Variants in ELAVL4 observed in about 807,000 individuals in gnomAD.
ELAVL4 encodes ELAV-like protein 4.
ELAVL4 carries 1 observed loss-of-function variant against 35.6 expected under a neutral mutation model. The observed-to-expected ratio is 0.03, with a 90% CI of 0.01 to 0.13. The LOEUF is 0.13. Ranked by LOEUF, ELAVL4 falls within the 10% of genes least tolerant of loss-of-function variation. The pLI, the probability that ELAVL4 is intolerant of heterozygous loss-of-function variation, is 1.00. For missense variants in ELAVL4, 267 were observed against 464.9 expected, an observed-to-expected ratio of 0.57 and a Z score of 3.91; for synonymous variants, 156 against 171.0, an observed-to-expected ratio of 0.91 and a Z score of 0.69.
At position 50,132,996 on chromosome 1, in the gene ELAVL4, T is replaced by G. The variant is rs774184146; in HGVS notation, c.10-11961T>G. On this transcript the variant is annotated intron_variant, in intron 1 of 6. Transcript: ENST00000371824. ...TTCACTTCTTTTTCTACATTGATCA[T>G]ATACATTTTCTCACATTATAAAAAC... Among the ~76,000 whole-genome samples the G allele has an allele frequency of 4.5e-4, 69 of 152,202 alleles. 1 individual carries two copies. The highest frequency in any genetic ancestry group is 7.9e-4 in the Admixed American group (12 of 15,276).
chr1:50,158,405 CTGTT>C (rs1200959722), intron 2 of ELAVL4, among the ~76,000 whole-genome samples: 1 of 151,578 alleles, frequency 6.6e-6, no homozygotes, highest in Non-Finnish European at 1.5e-5. Context: ...TGTAGATACT[CTGTT>C]TGTGTGTGTG....
chr1:50,057,879 A>G (rs1431154541), intron 1 of ELAVL4, among the ~76,000 whole-genome samples: 1 of 152,246 alleles, frequency 6.6e-6, no homozygotes, highest in Non-Finnish European at 1.5e-5. Context: ...AACAGAGCTC[A>G]AGAAACTTTT....
chr1:50,093,125 A>G (rs368969451), intron 1 of ELAVL4, among the ~76,000 whole-genome samples: 1 of 152,206 alleles, frequency 6.6e-6, no homozygotes, highest in South Asian at 2.1e-4. Context: ...ATCATCAAGG[A>G]TAAGTGGGGA....
intron 1 of ELAVL4, among the ~76,000 whole-genome samples, chr1:50,128,456 T>C (rs552916389): frequency 6.6e-6 from 1 of 152,282 alleles, no homozygotes; most frequent in East Asian, 1.9e-4. Flanking sequence ...TATTCATTTA[T>C]TCTACCAGCA....
chr1:50,133,685 G>T (rs1671409141), intron 1 of ELAVL4, among the ~76,000 whole-genome samples: 1 of 150,594 alleles, frequency 6.6e-6, no homozygotes, highest in Non-Finnish European at 1.5e-5. Flanking sequence ...AGCAGTGAAG[G>T]GAGAAATTAA....
intron 1 of ELAVL4, among the ~76,000 whole-genome samples, chr1:50,078,586 G>A (rs1664868932): frequency 6.6e-6 from 1 of 152,142 alleles, no homozygotes; most frequent in African/African-American, 2.4e-5. Context: ...TCCAAAGCCA[G>A]TAGGGCTATT....
At chr1:50,082,019 T>A (rs1438065915) in intron 1 of ELAVL4, among the ~76,000 whole-genome samples, 1 of 152,226 alleles carries the variant, frequency 6.6e-6, no homozygotes, top group Non-Finnish European at 1.5e-5. Flanking sequence ...TCGTCCATTT[T>A]TATGACTGCA....
intron 1 of ELAVL4, among the ~76,000 whole-genome samples, chr1:50,087,130 A>T (rs1183860471): frequency 1.3e-5 from 2 of 152,226 alleles, no homozygotes; most frequent in Non-Finnish European, 2.9e-5. Context: ...TTTCCATGTG[A>T]AAACCCCCTT....
At chr1:50,059,203 A>G (rs919920255) in intron 1 of ELAVL4, among the ~76,000 whole-genome samples, 1 of 152,198 alleles carries the variant, frequency 6.6e-6, no homozygotes, top group African/African-American at 2.4e-5. Flanking sequence ...TGATTCTAAG[A>G]TAAGATTTCT....
At chr1:50,162,441 A>G (rs551510170) in intron 2 of ELAVL4, among the ~76,000 whole-genome samples, 14 of 152,340 alleles carry the variant, frequency 9.2e-5, no homozygotes, top group African/African-American at 2.9e-4. Context: ...TAGGCCAGGC[A>G]CTTTGCTTGT....
chr1:50,058,439 T>G (rs1380884107), intron 1 of ELAVL4, among the ~76,000 whole-genome samples: 1 of 152,160 alleles, frequency 6.6e-6, no homozygotes, highest in Non-Finnish European at 1.5e-5. Flanking sequence ...ATTCTTACCT[T>G]ATGTTTCTAT....
chr1:50,104,043 C>T, upstream of ELAVL4: 1 of 1,607,238 alleles, frequency 6.2e-7, no homozygotes, highest in Non-Finnish European at 8.5e-7. Flanking sequence ...AGATGGTAGA[C>T]CGTCAATGGG....
chr1:50,140,115 CTG>C (rs1672576319), intron 1 of ELAVL4, among the ~76,000 whole-genome samples: 1 of 152,150 alleles, frequency 6.6e-6, no homozygotes, highest in Admixed American at 6.5e-5. Context: ...TGGATGCTGA[CTG>C]TAATTCTGTT....
chr1:50,163,242 C>T (rs1448720487), intron 2 of ELAVL4, among the ~76,000 whole-genome samples: 1 of 152,204 alleles, frequency 6.6e-6, no homozygotes, highest in Non-Finnish European at 1.5e-5. Context: ...AAAGCCCTCT[C>T]TCATCTCACT....
At chr1:50,103,841 A>T (rs897739750), upstream of ELAVL4, 5 of 1,493,180 alleles carry the variant, frequency 3.3e-6, no homozygotes, top group Admixed American at 2.0e-5. Flanking sequence ...GAGGTAATCC[A>T]GACAGCCGGA....
chr1:50,073,432 A>AT (rs201813229), intron 1 of ELAVL4, among the ~76,000 whole-genome samples: 144 of 150,372 alleles, frequency 9.6e-4, no homozygotes, highest in South Asian at 8.4e-4. Context: ...TGCTTCATTG[A>AT]TTTTTTTTTT....
At chr1:50,164,741 A>G (rs1572479352) in intron 2 of ELAVL4, among the ~76,000 whole-genome samples, 1 of 152,138 alleles carries the variant, frequency 6.6e-6, no homozygotes, top group Non-Finnish European at 1.5e-5. Context: ...CCAACTTCCT[A>G]TGGACATGGG....
intron 4 of ELAVL4, among the ~76,000 whole-genome samples, chr1:50,194,277 T>G (rs1320993116): frequency 6.6e-6 from 1 of 152,222 alleles, no homozygotes; most frequent in Admixed American, 6.5e-5. Flanking sequence ...TATGCATAGC[T>G]GTAACTCCAA....
At chr1:50,074,815 A>C (rs1033653818) in intron 1 of ELAVL4, among the ~76,000 whole-genome samples, 2 of 152,146 alleles carry the variant, frequency 1.3e-5, no homozygotes, top group Non-Finnish European at 2.9e-5. Flanking sequence ...ATGCTCAGCT[A>C]TGTGATGGGT....
Sources: gnomAD v4.1 joint callset for allele counts (sites outside exome capture counted in the v4.1 genomes callset) on GRCh38, gnomAD v4.1.1 for gene constraint, MANE v1.5 for transcripts, NCBI Gene and HGNC (gene_info 2026-07-23, HGNC 2026-07-21) for gene names.